LSAMP: variants seen among roughly 807,000 people sequenced by gnomAD.
LSAMP encodes limbic system associated membrane protein.
In LSAMP, 7 loss-of-function variants were observed where a neutral mutation model predicts 38.6. That is an observed-to-expected ratio of 0.18 (90% CI 0.10 to 0.34). LSAMP has a LOEUF of 0.34. LSAMP is among the 10% of genes least tolerant of loss of function. The pLI is 1.00. For synonymous variants in LSAMP, 154 were observed against 166.8 expected (o/e 0.92, Z 0.59); for missense variants, 313 against 420.0 (o/e 0.75, Z 2.23).
intron 1 of LSAMP, among the ~76,000 whole-genome samples, chr3:116,092,545 T>TAAGC (rs1708147084): frequency 6.6e-6 from 1 of 152,168 alleles, no homozygotes. Context: ...TTAGGAAAGG[T>TAAGC]AAGCACACAA....
chr3:116,202,973 T>C (rs1231089847), intron 1 of LSAMP, among the ~76,000 whole-genome samples: 1 of 152,230 alleles, frequency 6.6e-6, no homozygotes, highest in East Asian at 1.9e-4. Flanking sequence ...ACACGATTGA[T>C]TTTTGTGTAT....
intron 4 of LSAMP, among the ~76,000 whole-genome samples, chr3:115,844,773 T>G (rs1935102582): frequency 6.6e-6 from 1 of 152,168 alleles, no homozygotes. Flanking sequence ...GGTCAGGAGT[T>G]TGAGACCAGC....
intron 1 of LSAMP, among the ~76,000 whole-genome samples, chr3:116,137,592 G>A (rs1253303737): frequency 6.6e-6 from 1 of 152,032 alleles, no homozygotes. Flanking sequence ...AATCTTTAAT[G>A]CTGAAAAATA....
intron 6 of LSAMP, among the ~76,000 whole-genome samples, chr3:115,814,898 C>T (rs961085112): frequency 6.6e-6 from 1 of 152,178 alleles, no homozygotes; most frequent in African/African-American, 2.4e-5. Context: ...TCTAGCCCAG[C>T]GGACTAAGGC....
At chr3:116,383,447 T>C (rs964916792) in intron 1 of LSAMP, among the ~76,000 whole-genome samples, 1 of 152,136 alleles carries the variant, frequency 6.6e-6, no homozygotes, top group African/African-American at 2.4e-5. Flanking sequence ...AATTCTATTA[T>C]TTTAAAGCAA....
At chr3:115,890,946 C>T (rs1489329491) in intron 3 of LSAMP, among the ~76,000 whole-genome samples, 2 of 151,912 alleles carry the variant, frequency 1.3e-5, no homozygotes, top group African/African-American at 2.4e-5. Context: ...AAAATACCGA[C>T]ATTTTCCATG....
intron 3 of LSAMP, among the ~76,000 whole-genome samples, chr3:115,892,911 C>G (rs926945382): frequency 6.6e-6 from 1 of 151,340 alleles, no homozygotes; most frequent in Non-Finnish European, 1.5e-5. Flanking sequence ...GGGCAGAAAT[C>G]TGTCACAGAA....
intron 1 of LSAMP, among the ~76,000 whole-genome samples, chr3:116,284,560 C>CCTAT (rs1231142423): frequency 1.3e-5 from 2 of 152,192 alleles, no homozygotes; most frequent in African/African-American, 4.8e-5. Context: ...AGAAATGCAG[C>CCTAT]CTATCTTCTT....
chr3:116,154,414 G>A (rs894482779), intron 1 of LSAMP, among the ~76,000 whole-genome samples: 1 of 152,038 alleles, frequency 6.6e-6, no homozygotes, highest in African/African-American at 2.4e-5. Flanking sequence ...TTTAACATGA[G>A]CTCTGAAAAT....
At chr3:116,038,998 C>A (rs1242933418) in intron 2 of LSAMP, among the ~76,000 whole-genome samples, 3 of 152,146 alleles carry the variant, frequency 2.0e-5, no homozygotes, top group African/African-American at 7.2e-5. Context: ...ATATTTGATG[C>A]AGTTCCAAGG....
chr3:116,193,360 A>C (rs908298484), intron 1 of LSAMP, among the ~76,000 whole-genome samples: 1 of 152,204 alleles, frequency 6.6e-6, no homozygotes, highest in Non-Finnish European at 1.5e-5. Context: ...CTATGGAGTT[A>C]TTTGTCATAA....
intron 2 of LSAMP, among the ~76,000 whole-genome samples, chr3:116,044,919 T>C (rs963373359): frequency 6.6e-6 from 1 of 152,070 alleles, no homozygotes; most frequent in Non-Finnish European, 1.5e-5. Flanking sequence ...CTTTCAGTCG[T>C]GATTACATTT....
At chr3:116,302,705 A>G (rs1269434173) in intron 1 of LSAMP, among the ~76,000 whole-genome samples, 1 of 152,192 alleles carries the variant, frequency 6.6e-6, no homozygotes, top group Non-Finnish European at 1.5e-5. Context: ...TTCTTTGAAA[A>G]CCATTCTCCT....
At chr3:115,859,841 C>T (rs1383549357) in intron 3 of LSAMP, among the ~76,000 whole-genome samples, 3 of 152,198 alleles carry the variant, frequency 2.0e-5, no homozygotes, top group Non-Finnish European at 2.9e-5. Context: ...TGCATGCATC[C>T]TTTTTTCAGT....
At chr3:116,281,085 T>C (rs1429635623) in intron 1 of LSAMP, among the ~76,000 whole-genome samples, 1 of 151,860 alleles carries the variant, frequency 6.6e-6, no homozygotes, top group Non-Finnish European at 1.5e-5. Flanking sequence ...AGTTGCAAAC[T>C]TGGAAAAAAT....
chr3:116,389,845 A>G (rs1456744690), intron 1 of LSAMP, among the ~76,000 whole-genome samples: 4 of 152,196 alleles, frequency 2.6e-5, no homozygotes, highest in African/African-American at 9.7e-5. Flanking sequence ...TTAAAATAAT[A>G]AAAAAGTAAT....
intron 3 of LSAMP, among the ~76,000 whole-genome samples, chr3:115,988,462 T>G (rs1447968112): frequency 6.6e-6 from 1 of 151,994 alleles, no homozygotes; most frequent in Non-Finnish European, 1.5e-5. Flanking sequence ...TTTGTTTGTT[T>G]GTCTGTTTGT....
At chr3:116,229,106 T>C (rs1046574927) in intron 1 of LSAMP, among the ~76,000 whole-genome samples, 2 of 152,136 alleles carry the variant, frequency 1.3e-5, no homozygotes, top group Non-Finnish European at 2.9e-5. Flanking sequence ...ATGGGAATTT[T>C]ACAAAAGAAA....
At chr3:116,052,567 C>T (rs2053260543) in intron 2 of LSAMP, among the ~76,000 whole-genome samples, 1 of 152,136 alleles carries the variant, frequency 6.6e-6, no homozygotes, top group African/African-American at 2.4e-5. Flanking sequence ...TAGGTAAGCA[C>T]CGTCCCCGTG....
Sources: allele counts gnomAD v4.1 joint callset (sites outside exome capture counted in the v4.1 genomes callset), GRCh38; gene constraint gnomAD v4.1.1; transcripts MANE v1.5; gene names NCBI Gene and HGNC (gene_info 2026-07-23, HGNC 2026-07-21).